The following SCTR variants were observed in gnomAD, a reference collection of about 807,000 sequenced individuals.
SCTR encodes the protein secretin receptor, also known as pancreatic secretin receptor.
A neutral mutation model predicts 60.8 loss-of-function variants in SCTR; 56 were observed. The observed-to-expected ratio is 0.92, with a 90% confidence interval of 0.74 to 1.15. SCTR has a LOEUF of 1.15. Ranked by LOEUF, SCTR falls within the 50% of genes most tolerant of loss-of-function variation. The pLI, the probability that SCTR is intolerant of heterozygous loss-of-function variation, is 0.00. For synonymous variants in SCTR, 202 were observed against 217.0 expected (o/e 0.93, Z 0.61); for missense variants, 562 against 550.4 (o/e 1.02, Z -0.21).
In SCTR at chr2:119,440,160, T is replaced by C; in HGVS notation, c.1280A>G (p.His427Arg). ...ASFSNSTKAS[H>R]LEQSQGTCRT... The stretch of plus-strand genomic sequence containing the variant: ...GCAGGTGCCCTGGCTCTGCTCCAAG[T>C]GGCTGGCCTTGGTGCTGTTGCTGAA... The change falls in exon 13 of 13, where the codon CAC becomes CGC. Residue 427 changes from histidine (H) to arginine (R), a missense_variant. His to Arg is a conservative substitution (Grantham distance 29, BLOSUM62 0). Transcript: ENST00000019103. The C allele has an allele frequency of 6.2e-7, 1 of 1,614,046 alleles. No individual in the cohort carries two copies. The highest frequency in any genetic ancestry group is 1.1e-5 in the South Asian group (1 of 91,060).
At chr2:119,515,303 T>C (rs981969946) in intron 1 of SCTR, among the ~76,000 whole-genome samples, 1 of 152,196 alleles carries the variant, frequency 6.6e-6, no homozygotes, top group Non-Finnish European at 1.5e-5. Flanking sequence ...GTCAGAGTAG[T>C]AGTAAAGAAC....
chr2:119,458,555 T>G (rs1573817755), intron 7 of SCTR, among the ~76,000 whole-genome samples: 1 of 151,316 alleles, frequency 6.6e-6, no homozygotes, highest in African/African-American at 2.4e-5. Flanking sequence ...GAGCCCAGAT[T>G]GCGCCACTGC....
intron 1 of SCTR, among the ~76,000 whole-genome samples, chr2:119,499,446 C>T (rs1194011871): frequency 6.6e-6 from 1 of 151,994 alleles, no homozygotes; most frequent in African/African-American, 2.4e-5. Context: ...GAACATTTAT[C>T]AAGCAGATCA....
chr2:119,514,892 T>C (rs904995093), intron 1 of SCTR, among the ~76,000 whole-genome samples: 3 of 151,514 alleles, frequency 2.0e-5, no homozygotes, highest in Non-Finnish European at 4.4e-5. Flanking sequence ...AAAAAAAAAA[T>C]CTGAATAAGG....
At chr2:119,519,523 A>G (rs1007412453) in intron 1 of SCTR, among the ~76,000 whole-genome samples, 1 of 152,104 alleles carries the variant, frequency 6.6e-6, no homozygotes, top group African/African-American at 2.4e-5. Context: ...TGTGCTGGTT[A>G]AGAAGCTCTG....
At chr2:119,478,495 T>G (rs1289732312) in intron 3 of SCTR, among the ~76,000 whole-genome samples, 1 of 152,098 alleles carries the variant, frequency 6.6e-6, no homozygotes, top group African/African-American at 2.4e-5. Context: ...GGCCCCTGGT[T>G]GCTAAGGGGG....
intron 1 of SCTR, among the ~76,000 whole-genome samples, chr2:119,520,189 C>T (rs995909625): frequency 5.9e-5 from 9 of 152,222 alleles, no homozygotes; most frequent in African/African-American, 2.2e-4. Context: ...CAGTGACCCT[C>T]TCTGAAAAGT....
chr2:119,479,111 C>T (rs561795143), intron 2 of SCTR, 193 bp from the exon 3 acceptor site: 231 of 1,387,312 alleles, frequency 1.7e-4, no homozygotes, highest in East Asian at 4.9e-4. Context: ...GCCATGTACA[C>T]GGTAGTGCTC....
chr2:119,465,665 A>G, intron 5 of SCTR, 124 bp downstream of exon 5: 1 of 677,864 alleles, frequency 1.5e-6, no homozygotes, highest in Non-Finnish European at 2.7e-6. Context: ...GGTCAGCTTT[A>G]GATCAAGAGA....
chr2:119,461,288 G>A (rs1683592636), intron 7 of SCTR, among the ~76,000 whole-genome samples: 2 of 152,246 alleles, frequency 1.3e-5, no homozygotes. Context: ...GAGGCAACAA[G>A]TATTGGGTGG....
At chr2:119,452,964 G>C (rs1683230635) in intron 8 of SCTR, among the ~76,000 whole-genome samples, 1 of 152,200 alleles carries the variant, frequency 6.6e-6, no homozygotes, top group Non-Finnish European at 1.5e-5. Flanking sequence ...GGAAGAAAAA[G>C]CTGGACTGGC....
intron 9 of SCTR, among the ~76,000 whole-genome samples, chr2:119,449,963 G>A (rs865774855): frequency 5.6e-5 from 4 of 71,168 alleles, no homozygotes; most frequent in Admixed American, 4.3e-4. Context: ...GAAGGAAGGA[G>A]GGAGGGAGGG....
intron 3 of SCTR, among the ~76,000 whole-genome samples, chr2:119,475,334 C>CT (rs992377002): frequency 2.2e-4 from 34 of 152,282 alleles, no homozygotes; most frequent in Admixed American, 2.0e-3. Flanking sequence ...AGAGGCTGGG[C>CT]TCCCTGTGGG....
intron 1 of SCTR, among the ~76,000 whole-genome samples, chr2:119,502,614 A>T (rs1678588094): frequency 6.6e-6 from 1 of 152,152 alleles, no homozygotes; most frequent in Admixed American, 6.5e-5. Context: ...AAAACCAGGA[A>T]TCAACTAGGA....
At chr2:119,481,705 G>C (rs1677612702) in intron 2 of SCTR, among the ~76,000 whole-genome samples, 1 of 152,210 alleles carries the variant, frequency 6.6e-6, no homozygotes, top group Non-Finnish European at 1.5e-5. Flanking sequence ...ACCAGGCAGA[G>C]AGCCCAGGAG....
At chr2:119,480,762 GC>G (rs1223598526) in intron 2 of SCTR, 1 of 152,262 alleles carries the variant, frequency 6.6e-6, no homozygotes, top group African/African-American at 2.4e-5. Context: ...TGGAACCCGT[GC>G]CCTCTGAGAG....
intron 9 of SCTR, among the ~76,000 whole-genome samples, chr2:119,450,058 GAAAAAGAA>G: frequency 8.3e-6 from 1 of 120,498 alleles, no homozygotes; most frequent in Non-Finnish European, 1.6e-5. Flanking sequence ...AAAAAAGAAA[GAAAAAGAA>G]AGAAAGAAAG....
intron 9 of SCTR, among the ~76,000 whole-genome samples, chr2:119,449,392 T>C (rs915836516): frequency 1.3e-5 from 2 of 152,252 alleles, no homozygotes; most frequent in African/African-American, 2.4e-5. Context: ...ATAATATTGC[T>C]GTGTAAGAGC....
At position 119,475,680 on chromosome 2, in the gene SCTR, T is replaced by C. The variant is rs1034401470; in HGVS notation, c.302-2124A>G. Among the ~76,000 whole-genome samples the C allele has an allele frequency of 5.4e-5, 8 of 147,390 alleles. No homozygotes were observed. The East Asian group carries it at 1.4e-3, about 25-fold the overall frequency. On this transcript the variant is annotated intron_variant, in intron 3 of 12. Transcript: ENST00000019103. ...TAGATATTTATATTTATATTTGTAT[T>C]ATATTATAAATATAAAATAAATATA...
Sources: allele counts gnomAD v4.1 joint callset (sites outside exome capture counted in the v4.1 genomes callset), GRCh38; gene constraint gnomAD v4.1.1; transcripts MANE v1.5; gene names NCBI Gene and HGNC (gene_info 2026-07-23, HGNC 2026-07-21).